MYCT1: variants seen among roughly 807,000 people sequenced by gnomAD.
MYCT1 encodes myc target protein 1.
A neutral mutation model predicts 15.0 loss-of-function variants in MYCT1; 12 were observed. The ratio of observed to expected loss-of-function variants is 0.80; its 90% CI spans 0.51 to 1.29. MYCT1 has a LOEUF of 1.29. Among genes scored for constraint, MYCT1 ranks in the 50% most tolerant of loss-of-function variants. The probability of loss-of-function intolerance (pLI) is 0.00; values close to 1 mark genes in which losing one functional copy is unlikely to be tolerated. For synonymous variants in MYCT1, 104 were observed against 102.7 expected (o/e 1.01, Z -0.07); for missense variants, 287 against 279.1 (o/e 1.03, Z -0.20).
chr6:152,708,315 C>CT (rs756648527), intron 1 of MYCT1, among the ~76,000 whole-genome samples: 2 of 151,960 alleles, frequency 1.3e-5, no homozygotes, highest in East Asian at 1.9e-4. Context: ...ATATATAAGT[C>CT]TTACATTCTG....
the MYCT1 span, among the ~76,000 whole-genome samples, chr6:152,734,294 C>T: frequency 2.6e-5 from 4 of 152,164 alleles, no homozygotes; most frequent in Non-Finnish European, 5.9e-5. Context: ...GGATTTCAGT[C>T]CTCCAACTCT....
At chr6:152,727,053 TAAAG>T, downstream of MYCT1, among the ~76,000 whole-genome samples, 1 of 151,874 alleles carries the variant, frequency 6.6e-6, no homozygotes, top group South Asian at 2.1e-4. Context: ...CTACTAAAAA[TAAAG>T]AAAATTAGCC....
chr6:152,703,940 TTTTTA>T (rs200449869), intron 1 of MYCT1, among the ~76,000 whole-genome samples: 9,467 of 122,642 alleles, frequency 0.077, 540 homozygotes, highest in African/African-American at 0.11. Flanking sequence ...TTTTCCCTGT[TTTTTA>T]TTTTATTTTA....
At chr6:152,705,117 G>C (rs773239540) in intron 1 of MYCT1, among the ~76,000 whole-genome samples, 1 of 152,090 alleles carries the variant, frequency 6.6e-6, no homozygotes, top group Non-Finnish European at 1.5e-5. Context: ...CATTTACGAT[G>C]GGGTTATATC....
chr6:152,733,731 C>T, the MYCT1 span, among the ~76,000 whole-genome samples: 1 of 152,120 alleles, frequency 6.6e-6, no homozygotes, highest in Admixed American at 6.5e-5. Context: ...TCATGGCTAC[C>T]TTGGAGCTGG....
chr6:152,745,831 G>T, the MYCT1 span, among the ~76,000 whole-genome samples: 1 of 152,212 alleles, frequency 6.6e-6, no homozygotes, highest in Non-Finnish European at 1.5e-5. Flanking sequence ...TTCCTAAGCA[G>T]GGTGTGCAAC....
At chr6:152,715,307 A>C (rs1230470093) in intron 1 of MYCT1, among the ~76,000 whole-genome samples, 1 of 152,188 alleles carries the variant, frequency 6.6e-6, no homozygotes, top group Non-Finnish European at 1.5e-5. Context: ...CTACCTTGAT[A>C]CTTTTGAATT....
intron 1 of MYCT1, among the ~76,000 whole-genome samples, chr6:152,713,237 C>T (rs981987225): frequency 1.3e-5 from 2 of 151,766 alleles, no homozygotes; most frequent in Non-Finnish European, 2.9e-5. Flanking sequence ...TTTAGAATAT[C>T]CATTTTGTTA....
the MYCT1 span, among the ~76,000 whole-genome samples, chr6:152,743,270 T>C: frequency 1.3e-5 from 2 of 152,114 alleles, no homozygotes; most frequent in South Asian, 4.1e-4. Flanking sequence ...TATGCCATGT[T>C]GGTCAGGCTG....
At position 152,722,602 on chromosome 6, in the gene MYCT1, C is replaced by A; in HGVS notation, c.*349C>A. The A allele has an allele frequency of 4.4e-6, 1 of 226,358 alleles. No homozygotes were observed. The highest frequency in any genetic ancestry group is 9.0e-6 in the Non-Finnish European group (1 of 110,806). 14.0% of individuals were successfully genotyped at this position (226,358 alleles called of 1,614,324 possible). On this transcript the variant is annotated 3_prime_UTR_variant, in exon 2 of 2. Coordinates refer to ENST00000367245, the MANE Select transcript of MYCT1 (RefSeq NM_025107.3). ...CTTCAGATATTTGTGGATTACAATCCTCATTTACTTCCAATGTGACTAAAA... is the reference window on the plus strand; with the variant it reads ...CTTCAGATATTTGTGGATTACAATCATCATTTACTTCCAATGTGACTAAAA...
At position 152,713,857 on chromosome 6, in the gene MYCT1, C is replaced by G. The variant is rs556117518; in HGVS notation, c.197-7885C>G. On this transcript the variant is annotated intron_variant, in intron 1 of 1. Coordinates refer to ENST00000367245, the MANE Select transcript of MYCT1 (RefSeq NM_025107.3). ...TGCAGGTTTTCGACTGTAGCTTTACCTGTCCCAGACTGGAAGCTTCCCTCA... is the reference window on the plus strand; with the variant it reads ...TGCAGGTTTTCGACTGTAGCTTTACGTGTCCCAGACTGGAAGCTTCCCTCA... Among the ~76,000 whole-genome samples, 11 of 152,216 alleles carry G rather than the reference C, an allele frequency of 7.2e-5. No individual in the cohort carries two copies. The South Asian group carries it at 2.3e-3, about 32-fold the overall frequency.
At chr6:152,725,861 C>T (rs189432163), downstream of MYCT1, among the ~76,000 whole-genome samples, 23 of 152,006 alleles carry the variant, frequency 1.5e-4, no homozygotes, top group African/African-American at 4.8e-4. Context: ...CAGAGCATTC[C>T]GTATCAGATG....
intron 1 of MYCT1, among the ~76,000 whole-genome samples, chr6:152,702,218 C>T (rs2099721443): frequency 6.6e-6 from 1 of 152,098 alleles, no homozygotes; most frequent in Non-Finnish European, 1.5e-5. Flanking sequence ...GACTCATAGG[C>T]CATGGTTTAT....
the MYCT1 span, among the ~76,000 whole-genome samples, chr6:152,742,444 C>T: frequency 6.6e-6 from 1 of 151,998 alleles, no homozygotes; most frequent in Admixed American, 6.6e-5. Flanking sequence ...GGGGAGGGGA[C>T]AATGAGGGAC....
chr6:152,734,696 A>G, the MYCT1 span, among the ~76,000 whole-genome samples: 2 of 151,692 alleles, frequency 1.3e-5, no homozygotes, highest in African/African-American at 4.9e-5. Context: ...GTTTCATTCT[A>G]TTAGGTTAAT....
intron 1 of MYCT1, chr6:152,706,120 A>G: frequency 1.3e-6 from 2 of 1,522,358 alleles, no homozygotes; most frequent in Non-Finnish European, 1.8e-6. Context: ...GAGAGGTGGC[A>G]TGTTCTAACT....
intron 1 of MYCT1, among the ~76,000 whole-genome samples, chr6:152,715,285 G>C (rs1475120839): frequency 6.6e-6 from 1 of 152,140 alleles, no homozygotes; most frequent in African/African-American, 2.4e-5. Flanking sequence ...ATCATATACA[G>C]AAAGGGGTGT....
At chr6:152,704,115 G>T (rs1437852400) in intron 1 of MYCT1, among the ~76,000 whole-genome samples, 1 of 151,932 alleles carries the variant, frequency 6.6e-6, no homozygotes, top group Non-Finnish European at 1.5e-5. Flanking sequence ...TCCCACCTCA[G>T]CCTCCCACAT....
intron 1 of MYCT1, among the ~76,000 whole-genome samples, chr6:152,702,136 T>C (rs941398032): frequency 6.6e-6 from 1 of 152,152 alleles, no homozygotes; most frequent in African/African-American, 2.4e-5. Flanking sequence ...TCCAAAACCC[T>C]TACAGGTCGT....
Sources: gnomAD v4.1 joint callset for allele counts (sites outside exome capture counted in the v4.1 genomes callset) on GRCh38, gnomAD v4.1.1 for gene constraint, MANE v1.5 for transcripts, NCBI Gene and HGNC (gene_info 2026-07-23, HGNC 2026-07-21) for gene names.